The following RBKS variants were observed in gnomAD, a reference collection of about 807,000 sequenced individuals.
RBKS encodes the protein ribokinase.
RBKS carries 33 observed loss-of-function variants against 33.9 expected under a neutral mutation model. That is an observed-to-expected ratio of 0.97 (90% CI 0.74 to 1.30). The LOEUF (loss-of-function observed/expected upper bound fraction) is 1.30, where lower values mean the gene tolerates loss of function less well. Ranked by LOEUF, RBKS falls within the 50% of genes most tolerant of loss-of-function variation. The pLI is 0.00. For missense variants in RBKS, 361 were observed against 392.6 expected (o/e 0.92, Z 0.68); for synonymous variants, 125 against 143.0 (o/e 0.87, Z 0.90).
At chr2:27,867,810 G>A (rs914169864) in intron 1 of RBKS, among the ~76,000 whole-genome samples, 7 of 152,110 alleles carry the variant, frequency 4.6e-5, no homozygotes, top group Non-Finnish European at 1.0e-4. Context: ...TTAGGAAGTG[G>A]GGATTGGACA....
chr2:27,854,167 A>G (rs1193288987), intron 2 of RBKS, among the ~76,000 whole-genome samples: 2 of 152,262 alleles, frequency 1.3e-5, no homozygotes, highest in African/African-American at 4.8e-5. Flanking sequence ...CAAGGAGATG[A>G]AAACAAAAAA....
intron 1 of RBKS, among the ~76,000 whole-genome samples, chr2:27,866,344 GTC>G (rs1359249228): frequency 1.3e-5 from 2 of 152,154 alleles, no homozygotes; most frequent in Admixed American, 6.5e-5. Flanking sequence ...GCTTTTAAGA[GTC>G]TCTGTTTATA....
intron 2 of RBKS, among the ~76,000 whole-genome samples, chr2:27,848,417 A>T (rs576149008): frequency 1.3e-5 from 2 of 152,322 alleles, no homozygotes; most frequent in African/African-American, 4.8e-5. Context: ...ATATTTATGA[A>T]GAATCTCAGC....
chr2:27,784,737 C>T (rs553793146), intron 7 of RBKS, among the ~76,000 whole-genome samples: 4 of 152,290 alleles, frequency 2.6e-5, no homozygotes, highest in African/African-American at 9.6e-5. Flanking sequence ...CAATATTAAA[C>T]TTGCCAAGGG....
At chr2:27,868,866 T>C (rs574830320) in intron 1 of RBKS, among the ~76,000 whole-genome samples, 2 of 152,356 alleles carry the variant, frequency 1.3e-5, no homozygotes, top group Admixed American at 1.3e-4. Context: ...GGAGTCCTAA[T>C]ATAGTAAGTC....
intron 3 of RBKS, 136 bp downstream of exon 3, chr2:27,847,898 T>G (rs1396824977): frequency 1.6e-6 from 1 of 631,328 alleles, no homozygotes; most frequent in Admixed American, 3.2e-5. Context: ...TAAGCAAGAA[T>G]GGACAAAGCT....
At chr2:27,888,108 G>A (rs2148236764) in intron 1 of RBKS, among the ~76,000 whole-genome samples, 1 of 151,896 alleles carries the variant, frequency 6.6e-6, no homozygotes, top group South Asian at 2.1e-4. Flanking sequence ...CAGGTAGGAT[G>A]TATGAGAAAA....
chr2:27,830,061 G>C (rs1678391454), intron 6 of RBKS, among the ~76,000 whole-genome samples: 1 of 152,156 alleles, frequency 6.6e-6, no homozygotes, highest in African/African-American at 2.4e-5. Context: ...CTAGTGTACA[G>C]CCAGCATATC....
intron 1 of RBKS, among the ~76,000 whole-genome samples, chr2:27,863,802 A>T (rs988596496): frequency 4.6e-5 from 7 of 152,212 alleles, no homozygotes; most frequent in African/African-American, 1.7e-4. Context: ...TTCTTCAACC[A>T]TATTTATTCT....
At chr2:27,887,380 T>A (rs1044289432) in intron 1 of RBKS, among the ~76,000 whole-genome samples, 11 of 152,246 alleles carry the variant, frequency 7.2e-5, no homozygotes, top group Non-Finnish European at 1.0e-4. Flanking sequence ...GTATCAGACT[T>A]CTGACCTCCA....
chr2:27,802,467 T>C (rs1677816276), intron 7 of RBKS, among the ~76,000 whole-genome samples: 1 of 151,406 alleles, frequency 6.6e-6, no homozygotes. Flanking sequence ...TGTGTGTACG[T>C]GGTATAAAAA....
chr2:27,877,431 C>T (rs141495499), intron 1 of RBKS, among the ~76,000 whole-genome samples: 8 of 152,054 alleles, frequency 5.3e-5, no homozygotes, highest in South Asian at 2.1e-4. Context: ...TTGTCATTAG[C>T]GTCTCCATTA....
At chr2:27,820,703 T>C (rs1255093515) in intron 7 of RBKS, among the ~76,000 whole-genome samples, 1 of 151,762 alleles carries the variant, frequency 6.6e-6, no homozygotes, top group Non-Finnish European at 1.5e-5. Context: ...TGAGCCAGCA[T>C]GATCAGCCAA....
intron 7 of RBKS, among the ~76,000 whole-genome samples, chr2:27,823,880 G>T (rs779534896): frequency 1.3e-5 from 2 of 152,074 alleles, no homozygotes; most frequent in Admixed American, 6.6e-5. Context: ...GAGCTTTTTT[G>T]TTGTTGTTTG....
At chr2:27,865,581 T>C (rs1200378203) in intron 1 of RBKS, among the ~76,000 whole-genome samples, 1 of 147,570 alleles carries the variant, frequency 6.8e-6, no homozygotes, top group Non-Finnish European at 1.5e-5. Flanking sequence ...CTTTTTTTTT[T>C]TTTTTTTTTT....
intron 1 of RBKS, among the ~76,000 whole-genome samples, chr2:27,874,268 G>A (rs941071719): frequency 6.6e-6 from 1 of 152,194 alleles, no homozygotes; most frequent in African/African-American, 2.4e-5. Flanking sequence ...TCCTTTTTAT[G>A]ATACTCAGTC....
intron 7 of RBKS, among the ~76,000 whole-genome samples, chr2:27,806,164 G>A (rs890950597): frequency 8.5e-5 from 13 of 152,154 alleles, no homozygotes; most frequent in African/African-American, 1.7e-4. Flanking sequence ...GATTAAAGGC[G>A]TGAGCCACCA....
chr2:27,813,722 A>G (rs1455955014), intron 7 of RBKS, among the ~76,000 whole-genome samples: 1 of 152,106 alleles, frequency 6.6e-6, no homozygotes. Flanking sequence ...TAGGGTTCCC[A>G]GAGAAAATAG....
chr2:27,814,936 C>G (rs1678058137), intron 7 of RBKS, among the ~76,000 whole-genome samples: 2 of 152,130 alleles, frequency 1.3e-5, no homozygotes, highest in Non-Finnish European at 2.9e-5. Context: ...TGTTCACACA[C>G]ACACGTACAC....
Sources: allele counts gnomAD v4.1 joint callset (sites outside exome capture counted in the v4.1 genomes callset), GRCh38; gene constraint gnomAD v4.1.1; transcripts MANE v1.5; gene names NCBI Gene and HGNC (gene_info 2026-07-23, HGNC 2026-07-21).